POLA1: variants seen among roughly 807,000 people sequenced by gnomAD.
The protein encoded by POLA1 is DNA polymerase alpha 1, catalytic subunit, also known as DNA polymerase alpha catalytic subunit.
A neutral mutation model predicts 124.0 loss-of-function variants in POLA1; 15 were observed. The observed-to-expected ratio is 0.12, with a 90% CI of 0.08 to 0.19. The LOEUF (loss-of-function observed/expected upper bound fraction) is 0.19, where lower values mean the gene tolerates loss of function less well. POLA1 is among the 10% of genes least tolerant of loss of function. The probability of loss-of-function intolerance (pLI) is 1.00; values close to 1 mark genes in which losing one functional copy is unlikely to be tolerated. For synonymous variants in POLA1, 408 were observed against 389.4 expected (o/e 1.05, Z -0.56); for missense variants, 886 against 1,103.4 (o/e 0.80, Z 2.79).
chrX:24,713,317 C>G (rs1302105459), intron 4 of POLA1, among the ~76,000 whole-genome samples: 1 of 111,407 alleles, frequency 9.0e-6, no homozygotes, highest in Non-Finnish European at 1.9e-5. Flanking sequence ...CAGGACTATT[C>G]TGGGATGAAT....
At chrX:24,968,853 A>G (rs7060034) in intron 36 of POLA1, among the ~76,000 whole-genome samples, 5,366 of 111,671 alleles carry the variant, frequency 0.048, 323 homozygotes, top group African/African-American at 0.17. Context: ...AACATGTATT[A>G]AACATCTTCT....
intron 32 of POLA1, among the ~76,000 whole-genome samples, chrX:24,836,024 T>C (rs1243890056): frequency 9.0e-6 from 1 of 111,681 alleles, no homozygotes; most frequent in Admixed American, 9.6e-5. Context: ...AACAGTACAT[T>C]ACTACATTCC....
chrX:24,717,818 A>T, intron 10 of POLA1, 60 bp downstream of exon 10: 1 of 760,572 alleles, frequency 1.3e-6, no homozygotes. Context: ...TCCCTTAAAT[A>T]TTTTATTTTT....
chrX:24,751,138 A>G (rs1370016069), intron 26 of POLA1, among the ~76,000 whole-genome samples: 1 of 111,492 alleles, frequency 9.0e-6, no homozygotes, highest in Admixed American at 9.6e-5. Context: ...CACGAGAGGC[A>G]ATAGTTGACA....
intron 36 of POLA1, among the ~76,000 whole-genome samples, chrX:24,980,889 C>G (rs763384285): frequency 1.8e-5 from 2 of 111,307 alleles, no homozygotes; most frequent in African/African-American, 3.3e-5. Flanking sequence ...AATAGCAAAC[C>G]TTAGGCATCT....
At chrX:24,707,946 G>A (rs1928921730) in intron 4 of POLA1, among the ~76,000 whole-genome samples, 1 of 112,157 alleles carries the variant, frequency 8.9e-6, no homozygotes, top group Admixed American at 9.4e-5. Context: ...AGTGAGCCAA[G>A]ATCGTGCCAC....
At chrX:24,770,686 C>T (rs1190428440) in intron 26 of POLA1, among the ~76,000 whole-genome samples, 2 of 111,206 alleles carry the variant, frequency 1.8e-5, no homozygotes, top group Non-Finnish European at 1.9e-5. Flanking sequence ...TCCTTACCCC[C>T]ATCTCTGACC....
intron 34 of POLA1, among the ~76,000 whole-genome samples, chrX:24,861,236 G>A (rs988904914): frequency 1.7e-4 from 19 of 112,069 alleles, no homozygotes; most frequent in Admixed American, 6.6e-4. Flanking sequence ...CAGCTCAAGC[G>A]ATTCTCCCGC....
intron 31 of POLA1, among the ~76,000 whole-genome samples, chrX:24,823,938 A>G (rs918001413): frequency 8.9e-6 from 1 of 112,707 alleles, no homozygotes; most frequent in Admixed American, 9.3e-5. Flanking sequence ...CAGATCTTAA[A>G]TCAACTTCCA....
intron 32 of POLA1, among the ~76,000 whole-genome samples, chrX:24,830,109 T>C (rs2046240493): frequency 2.7e-5 from 3 of 112,441 alleles, no homozygotes; most frequent in Admixed American, 1.9e-4. Context: ...TGGCATAATT[T>C]CATTTAGGAA....
intron 26 of POLA1, among the ~76,000 whole-genome samples, chrX:24,764,678 G>A (rs958023203): frequency 1.8e-5 from 2 of 112,003 alleles, no homozygotes; most frequent in African/African-American, 6.5e-5. Flanking sequence ...GTACAAAATG[G>A]CAAACAGTAT....
intron 35 of POLA1, among the ~76,000 whole-genome samples, chrX:24,912,324 A>G (rs778595522): frequency 6.0e-4 from 67 of 112,409 alleles, no homozygotes; most frequent in Middle Eastern, 4.7e-3. Context: ...GTTCTTAGAC[A>G]TGAAACTAAA....
At chrX:24,990,430 T>C (rs1205987656) in intron 36 of POLA1, among the ~76,000 whole-genome samples, 2 of 112,496 alleles carry the variant, frequency 1.8e-5, no homozygotes, top group Admixed American at 9.4e-5. Context: ...AGTATTCCAG[T>C]TCTCCTCCCT....
chrX:24,727,999 C>T, intron 15 of POLA1, 63 bp downstream of exon 15: 5 of 940,647 alleles, frequency 5.3e-6, no homozygotes, highest in Non-Finnish European at 7.4e-6. Flanking sequence ...TGAACTTGCA[C>T]AGCTTTGCTT....
rs144419886 is a variant in POLA1, at chrX:24,793,277, C to CAA, written c.2965-16593_2965-16592dup. ...GAATGAGAAGAGATAGACTCCCTCT[C>CAA]AAAAAAAAAAAAAAAAAAAAAAAAA... On this transcript the variant is annotated intron_variant, in intron 26 of 36. Coordinates refer to ENST00000379068, the MANE Select transcript of POLA1 (RefSeq NM_001330360.2). Among the ~76,000 whole-genome samples the CAA allele has an allele frequency of 6.0e-3, 156 of 26,018 alleles. 8 individuals carry two copies. Among genetic ancestry groups the CAA allele is most frequent in the African/African-American group, 0.022 (123 of 5,712 alleles). 22.6% of individuals were successfully genotyped at this position (26,018 alleles called of 115,157 possible). A position where few individuals can be genotyped will look rare whatever the true frequency, so the allele number is the denominator to read the frequency against.
At chrX:24,809,121 G>A (rs2045855042) in intron 26 of POLA1, among the ~76,000 whole-genome samples, 1 of 110,812 alleles carries the variant, frequency 9.0e-6, no homozygotes, top group Non-Finnish European at 1.9e-5. Flanking sequence ...AATGCACAAG[G>A]TGTTCCTTGC....
intron 34 of POLA1, among the ~76,000 whole-genome samples, chrX:24,863,643 G>A (rs182638974): frequency 8.0e-4 from 89 of 111,441 alleles, no homozygotes; most frequent in African/African-American, 2.8e-3. Context: ...TGTCGTCTAC[G>A]GGTCACCCAG....
rs74866066 is a variant in POLA1 at position 24,864,490 on chromosome X, C to T, written c.4047+20813C>T. ...AAATTTATGTAGCATTATAGCCAAA[C>T]TCTTTATTCTGGCATTTGAGACATT... On this transcript the variant is annotated intron_variant, in intron 34 of 36. Coordinates refer to ENST00000379068, the MANE Select transcript of POLA1 (RefSeq NM_001330360.2). 4.5e-5 allele frequency among the ~76,000 whole-genome samples: 5 copies of T among 111,890 alleles called. No homozygotes were observed. The East Asian group carries it at 1.4e-3, about 31-fold the overall frequency.
intron 36 of POLA1, among the ~76,000 whole-genome samples, chrX:24,939,213 A>C (rs920263331): frequency 1.8e-5 from 2 of 112,316 alleles, no homozygotes; most frequent in Non-Finnish European, 3.8e-5. Context: ...GCATATTGTC[A>C]TTTTTTAGTA....
Sources: allele counts gnomAD v4.1 joint callset (sites outside exome capture counted in the v4.1 genomes callset), GRCh38; gene constraint gnomAD v4.1.1; transcripts MANE v1.5; gene names NCBI Gene and HGNC (gene_info 2026-07-23, HGNC 2026-07-21).